Variants in BMERB1 observed in about 807,000 individuals in gnomAD.
BMERB1 encodes the protein bMERB domain containing 1, also known as bMERB domain-containing protein 1.
A neutral mutation model predicts 23.6 loss-of-function variants in BMERB1; 12 were observed. The observed-to-expected ratio is 0.51, with a 90% CI of 0.33 to 0.82. BMERB1 has a LOEUF of 0.82. BMERB1 is among the 40% of genes least tolerant of loss of function. The pLI, the probability that BMERB1 is intolerant of heterozygous loss-of-function variation, is 0.03. For synonymous variants in BMERB1, 122 were observed against 96.6 expected (o/e 1.26, Z -1.54); for missense variants, 247 against 255.4 (o/e 0.97, Z 0.22).
intron 1 of BMERB1, among the ~76,000 whole-genome samples, chr16:15,505,451 A>C (rs780411394): frequency 9.2e-5 from 14 of 152,222 alleles, no homozygotes; most frequent in Non-Finnish European, 1.8e-4. Flanking sequence ...AACCTTAAGC[A>C]GGCTATAGTA....
Position 15,447,945 on chromosome 16 carries a change from A to G in BMERB1, c.106+13186A>G, listed in dbSNP as rs1181316349. On this transcript the variant is annotated intron_variant, in intron 1 of 5. Coordinates refer to ENST00000300006, the MANE Select transcript of BMERB1 (RefSeq NM_033201.3). Reference sequence around the variant, plus strand: ...GCTGTTGTCTCCCAGGCTAGAGTGCAGTGGCGTGATCACGGCTCACTTCAA... The same window carrying G: ...GCTGTTGTCTCCCAGGCTAGAGTGCGGTGGCGTGATCACGGCTCACTTCAA... 4 of 455,484 alleles carry G rather than the reference A, an allele frequency of 8.8e-6. No individual in the cohort carries two copies. In the Admixed American group the frequency reaches 9.4e-5, roughly 11 times the overall value. 28.2% of individuals were successfully genotyped at this position (455,484 alleles called of 1,614,324 possible).
rs1441144085 is a variant in BMERB1, at chr16:15,568,065, T to G, written c.304+9T>G. 4 of 1,613,616 alleles carry G rather than the reference T, an allele frequency of 2.5e-6. No individual in the cohort carries two copies. In the South Asian group the frequency reaches 4.4e-5, roughly 18 times the overall value. ...CTTGGTCGCCATCCCAGGTAACCAT[T>G]TGCAACTTCACCTTGTGCTAAACAG... is the stretch of plus-strand genomic sequence containing the variant. On this transcript the variant is annotated intron_variant, in intron 3 of 5. Coordinates refer to ENST00000300006, the MANE Select transcript of BMERB1 (RefSeq NM_033201.3).
chr16:15,482,352 C>G (rs1322845081), intron 1 of BMERB1, among the ~76,000 whole-genome samples: 1 of 152,070 alleles, frequency 6.6e-6, no homozygotes, highest in Non-Finnish European at 1.5e-5. Context: ...AAACAGGAAG[C>G]CATGAGGTGA....
chr16:15,446,132 G>A (rs2050987162), intron 1 of BMERB1, among the ~76,000 whole-genome samples: 2 of 152,166 alleles, frequency 1.3e-5, no homozygotes, highest in African/African-American at 2.4e-5. Flanking sequence ...AGTGGCCCAC[G>A]CTTGTGATCC....
intron 2 of BMERB1, among the ~76,000 whole-genome samples, chr16:15,545,004 G>C (rs936571418): frequency 1.3e-5 from 2 of 151,364 alleles, no homozygotes; most frequent in African/African-American, 4.9e-5. Context: ...ACGGAGTCTC[G>C]CTCTATCACC....
At chr16:15,550,105 A>AT (rs1260568493) in intron 2 of BMERB1, among the ~76,000 whole-genome samples, 1 of 151,398 alleles carries the variant, frequency 6.6e-6, no homozygotes, top group Non-Finnish European at 1.5e-5. Context: ...ACCTACCACC[A>AT]TTTTTTGTGT....
intron 1 of BMERB1, among the ~76,000 whole-genome samples, chr16:15,499,916 A>C (rs153787): frequency 6.6e-6 from 1 of 152,004 alleles, no homozygotes; most frequent in Non-Finnish European, 1.5e-5. Context: ...ATGAGGGTAC[A>C]GGAAAATCCC....
chr16:15,507,406 T>G (rs913610249), intron 1 of BMERB1, among the ~76,000 whole-genome samples: 2 of 152,128 alleles, frequency 1.3e-5, no homozygotes, highest in African/African-American at 4.8e-5. Flanking sequence ...GGGTGGCATT[T>G]GGGGATGGGA....
rs115122232 is a variant in BMERB1 at position 15,518,533 on chromosome 16, T to C, written c.230+3105T>C. 5.4e-3 allele frequency among the ~76,000 whole-genome samples: 816 copies of C among 152,256 alleles called. 4 individuals carry two copies. The highest frequency in any genetic ancestry group is 0.018 in the African/African-American group (766 of 41,548). On this transcript the variant is annotated intron_variant, in intron 2 of 5. Transcript: ENST00000300006. ...TGCTCAGATCTGCACAAAGTCCTCA[T>C]CCATCATCCTCAGCCCTCCAGGCCA...
chr16:15,556,148 A>T (rs1244388439), intron 2 of BMERB1, among the ~76,000 whole-genome samples: 1 of 151,874 alleles, frequency 6.6e-6, no homozygotes, highest in Non-Finnish European at 1.5e-5. Flanking sequence ...ATTGCACTAC[A>T]GCCTGGACGA....
chr16:15,491,025 T>A (rs1308145213), intron 1 of BMERB1, among the ~76,000 whole-genome samples: 1 of 151,784 alleles, frequency 6.6e-6, no homozygotes, highest in Non-Finnish European at 1.5e-5. Context: ...GGTTTTTGTA[T>A]TTTTTGTAGA....
At chr16:15,575,004 G>A (rs1375372108) in intron 3 of BMERB1, among the ~76,000 whole-genome samples, 4 of 152,166 alleles carry the variant, frequency 2.6e-5, no homozygotes, top group Admixed American at 6.5e-5. Context: ...GCTTGAACTC[G>A]GGAGAGGGGG....
intron 3 of BMERB1, among the ~76,000 whole-genome samples, chr16:15,574,399 A>G (rs2030807371): frequency 6.6e-6 from 1 of 152,086 alleles, no homozygotes; most frequent in South Asian, 2.1e-4. Flanking sequence ...TTCCCAGGCA[A>G]GAAGGGAGTT....
intron 1 of BMERB1, among the ~76,000 whole-genome samples, chr16:15,448,188 C>T (rs1397558685): frequency 6.6e-6 from 1 of 152,090 alleles, no homozygotes; most frequent in East Asian, 1.9e-4. Flanking sequence ...CTGCGCCTGG[C>T]CGGAAGTAGC....
In BMERB1 at chr16:15,468,292, T is replaced by C. The variant is rs139098125; in HGVS notation, c.106+33533T>C. On this transcript the variant is annotated intron_variant, in intron 1 of 5. Transcript: ENST00000300006. ...TTCCAAGTAACTGGGACTATAGGTG[T>C]GCACCTCCCCACCTGGCTAATTTTT... is the stretch of plus-strand genomic sequence containing the variant. 5.8e-3 allele frequency among the ~76,000 whole-genome samples: 875 copies of C among 151,742 alleles called. 10 individuals carry two copies. Among genetic ancestry groups the C allele is most frequent in the African/African-American group, 0.02 (824 of 41,344 alleles).
chr16:15,543,564 T>C (rs1376091820), intron 2 of BMERB1, among the ~76,000 whole-genome samples: 1 of 152,078 alleles, frequency 6.6e-6, no homozygotes, highest in Non-Finnish European at 1.5e-5. Context: ...CTCAATCCTA[T>C]AATCCCAGCA....
chr16:15,492,539 C>G (rs1296633032), intron 1 of BMERB1, among the ~76,000 whole-genome samples: 1 of 152,178 alleles, frequency 6.6e-6, no homozygotes, highest in East Asian at 1.9e-4. Context: ...ATGGAGAAAC[C>G]TGGCAGACAC....
At chr16:15,544,285 A>G (rs906341340) in intron 2 of BMERB1, among the ~76,000 whole-genome samples, 12 of 152,196 alleles carry the variant, frequency 7.9e-5, no homozygotes, top group African/African-American at 2.4e-4. Flanking sequence ...TTTTTTGACA[A>G]GTGTTCATTC....
At chr16:15,515,195 C>CA (rs1444678559) in intron 1 of BMERB1, 110 bp from the exon 2 acceptor site, 128 of 1,469,302 alleles carry the variant, frequency 8.7e-5, no homozygotes, top group Non-Finnish European at 1.1e-4. Flanking sequence ...AGTCTGTCCT[C>CA]AAGGTGTATG....
Sources: gnomAD v4.1 joint callset for allele counts (sites outside exome capture counted in the v4.1 genomes callset) on GRCh38, gnomAD v4.1.1 for gene constraint, MANE v1.5 for transcripts, NCBI Gene and HGNC (gene_info 2026-07-23, HGNC 2026-07-21) for gene names.